MITF: variants seen among roughly 807,000 people sequenced by gnomAD.
MITF encodes melanocyte inducing transcription factor.
In MITF, 17 loss-of-function variants were observed where a neutral mutation model predicts 60.5. That is an observed-to-expected ratio of 0.28 (90% CI 0.19 to 0.42). MITF has a LOEUF of 0.42. MITF is among the 10% of genes least tolerant of loss of function. The pLI, the probability that MITF is intolerant of heterozygous loss-of-function variation, is 1.00. For synonymous variants in MITF, 260 were observed against 248.5 expected, an observed-to-expected ratio of 1.05 and a Z score of -0.43; for missense variants, 622 against 683.5, an observed-to-expected ratio of 0.91 and a Z score of 1.00.
At chr3:69,740,968 G>A (rs1365280917) in intron 1 of MITF, among the ~76,000 whole-genome samples, 1 of 152,212 alleles carries the variant, frequency 6.6e-6, no homozygotes, top group Non-Finnish European at 1.5e-5. Flanking sequence ...GTGCAGCCAG[G>A]TTTATTTCCT....
At chr3:69,742,989 C>T (rs1053483489) in intron 1 of MITF, among the ~76,000 whole-genome samples, 1 of 152,190 alleles carries the variant, frequency 6.6e-6, no homozygotes, top group Non-Finnish European at 1.5e-5. Context: ...CCATGCTAGA[C>T]TGCAAACTCC....
chr3:69,807,308 C>T (rs761753246), intron 1 of MITF, among the ~76,000 whole-genome samples: 1 of 152,146 alleles, frequency 6.6e-6, no homozygotes, highest in Non-Finnish European at 1.5e-5. Flanking sequence ...GTCTTGGCAA[C>T]CTAAGGATCT....
At chr3:69,951,691 T>G in intron 6 of MITF, 121 bp from the exon 7 acceptor site, 1 of 745,168 alleles carries the variant, frequency 1.3e-6, no homozygotes. Flanking sequence ...AAAAAACGTA[T>G]TTTTACTTAG....
At chr3:69,934,793 A>G (rs2065796156) in intron 2 of MITF, among the ~76,000 whole-genome samples, 1 of 152,212 alleles carries the variant, frequency 6.6e-6, no homozygotes, top group African/African-American at 2.4e-5. Flanking sequence ...CTCCAAGGGA[A>G]TGTAAATATG....
chr3:69,873,819 A>T (rs181469325), intron 1 of MITF, among the ~76,000 whole-genome samples: 1 of 152,332 alleles, frequency 6.6e-6, no homozygotes, highest in East Asian at 1.9e-4. Context: ...GTTTCCAAAC[A>T]TCGGAATCAG....
chr3:69,791,880 T>C (rs1391296536), intron 1 of MITF, among the ~76,000 whole-genome samples: 1 of 152,200 alleles, frequency 6.6e-6, no homozygotes, highest in Non-Finnish European at 1.5e-5. Context: ...GAAAATGCAG[T>C]TTCATGCTTT....
At chr3:69,931,945 G>A (rs1368915113) in intron 2 of MITF, among the ~76,000 whole-genome samples, 1 of 152,180 alleles carries the variant, frequency 6.6e-6, no homozygotes, top group Non-Finnish European at 1.5e-5. Context: ...GTTTTCTTTA[G>A]CTTTAAAAAG....
At chr3:69,876,547 G>A (rs920363877) in intron 1 of MITF, among the ~76,000 whole-genome samples, 2 of 152,116 alleles carry the variant, frequency 1.3e-5, no homozygotes, top group African/African-American at 4.8e-5. Context: ...TAGTAGAGCT[G>A]TATCAAGTGA....
intron 9 of MITF, among the ~76,000 whole-genome samples, chr3:69,961,904 G>A (rs545454300): frequency 1.3e-5 from 2 of 152,188 alleles, no homozygotes; most frequent in Non-Finnish European, 2.9e-5. Context: ...CCATGGTGAC[G>A]ATATCTTGGT....
At chr3:69,874,892 A>G (rs1203203897) in intron 1 of MITF, among the ~76,000 whole-genome samples, 1 of 152,210 alleles carries the variant, frequency 6.6e-6, no homozygotes, top group African/African-American at 2.4e-5. Context: ...GATAGTTCAG[A>G]GCCCATGTCC....
At chr3:69,912,942 T>C (rs2065255675) in intron 2 of MITF, among the ~76,000 whole-genome samples, 1 of 152,120 alleles carries the variant, frequency 6.6e-6, no homozygotes, top group African/African-American at 2.4e-5. Flanking sequence ...ACAATAGAAA[T>C]GCCTTTGAAT....
Position 69,936,822 on chromosome 3 carries a change from T to C in MITF, c.355-1000T>C, listed in dbSNP as rs189927456. The C allele has an allele frequency of 1.8e-4, 259 of 1,462,638 alleles. No individual in the cohort carries two copies. In the African/African-American group the frequency reaches 3.4e-3, roughly 19 times the overall value. The allele number at this position is 1,462,638 out of a possible 1,614,324, so 90.6% of individuals were successfully genotyped here. On this transcript the variant is annotated intron_variant, in intron 2 of 9. Coordinates refer to ENST00000352241, the MANE Select transcript of MITF (RefSeq NM_001354604.2). ...TGCAATAAATTGATTTAATCCACTT[T>C]TTGTTATTGTAATAGACATACTGTT...
chr3:69,937,873 C>A lies in MITF; in HGVS notation c.406C>A (p.Arg136=), dbSNP rs200583343. The part of the protein sequence containing the change: ...PTKYHIQQAQ[R]QQVKQYLSTT... ...CAAGTACCACATACAGCAAGCCCAA[C>A]GGCAGCAGGTAAAGCAGTACCTTTC... Residue 136 remains arginine (R), a synonymous_variant, in exon 3 of 10, where the codon CGG becomes AGG. Transcript: ENST00000352241. 1 of 1,613,972 alleles carries A rather than the reference C, an allele frequency of 6.2e-7. No homozygotes were observed.
chr3:69,778,299 A>G (rs1014661201), intron 1 of MITF, among the ~76,000 whole-genome samples: 4 of 152,174 alleles, frequency 2.6e-5, no homozygotes, highest in African/African-American at 7.2e-5. Context: ...ATGGATGTTT[A>G]TGGGGTATAA....
intron 1 of MITF, among the ~76,000 whole-genome samples, chr3:69,796,523 G>A (rs1214921603): frequency 1.6e-5 from 1 of 62,508 alleles, no homozygotes; most frequent in East Asian, 2.5e-4. Context: ...TTTTTGAGAC[G>A]GAGTCTCGCT....
chr3:69,849,969 G>C (rs2063798066), intron 1 of MITF, among the ~76,000 whole-genome samples: 1 of 152,134 alleles, frequency 6.6e-6, no homozygotes, highest in African/African-American at 2.4e-5. Flanking sequence ...AAGTATTCCA[G>C]GGATTCCTAA....
In MITF at chr3:69,800,204, T is replaced by C. The variant is rs147111441; in HGVS notation, c.104+60503T>C. 3.3e-5 allele frequency among the ~76,000 whole-genome samples: 5 copies of C among 152,202 alleles called. No individual in the cohort carries two copies. In the East Asian group the frequency reaches 9.6e-4, roughly 29 times the overall value. ...ATTTCATATAAATGGGATTATACAT[T>C]ATGTGGCCTTTCATGTCTAGCTTCT... is the stretch of plus-strand genomic sequence containing the variant. On this transcript the variant is annotated intron_variant, in intron 1 of 9. Transcript: ENST00000352241.
At chr3:69,830,374 A>T (rs1352927284) in intron 1 of MITF, among the ~76,000 whole-genome samples, 3 of 152,048 alleles carry the variant, frequency 2.0e-5, no homozygotes, top group African/African-American at 7.2e-5. Context: ...GCCTGCTACC[A>T]CGCACAGAGC....
At chr3:69,955,551 C>T (rs2066375275) in intron 7 of MITF, among the ~76,000 whole-genome samples, 1 of 152,106 alleles carries the variant, frequency 6.6e-6, no homozygotes, top group Non-Finnish European at 1.5e-5. Context: ...CAGTGGCTCA[C>T]ACCTGTAATC....
Sources: allele counts gnomAD v4.1 joint callset (sites outside exome capture counted in the v4.1 genomes callset), GRCh38; gene constraint gnomAD v4.1.1; transcripts MANE v1.5; gene names NCBI Gene and HGNC (gene_info 2026-07-23, HGNC 2026-07-21).